ST6GALNAC1: variants seen among roughly 807,000 people sequenced by gnomAD.
The protein encoded by ST6GALNAC1 is ST6 N-acetylgalactosaminide alpha-2,6-sialyltransferase 1, also known as alpha-N-acetylgalactosaminide alpha-2,6-sialyltransferase 1.
ST6GALNAC1 carries 45 observed loss-of-function variants against 56.8 expected under a neutral mutation model. The observed-to-expected ratio is 0.79, with a 90% CI of 0.62 to 1.02. ST6GALNAC1 has a LOEUF of 1.02. Ranked by LOEUF, ST6GALNAC1 falls within the 50% of genes least tolerant of loss-of-function variation. The pLI, the probability that ST6GALNAC1 is intolerant of heterozygous loss-of-function variation, is 0.00. For missense variants in ST6GALNAC1, 743 were observed against 754.8 expected, an observed-to-expected ratio of 0.98 and a Z score of 0.18; for synonymous variants, 295 against 297.8, an observed-to-expected ratio of 0.99 and a Z score of 0.10.
the ST6GALNAC1 span, among the ~76,000 whole-genome samples, chr17:76,618,476 T>C: frequency 6.6e-6 from 1 of 152,094 alleles, no homozygotes; most frequent in Non-Finnish European, 1.5e-5. Flanking sequence ...TTGAACTGTA[T>C]TGAAAGCTAT....
intron 1 of ST6GALNAC1, among the ~76,000 whole-genome samples, chr17:76,643,014 A>G (rs1411637661): frequency 1.3e-5 from 2 of 152,104 alleles, no homozygotes; most frequent in African/African-American, 4.8e-5. Context: ...TTGAAGGATT[A>G]ACTTGGCGTC....
At chr17:76,622,399 C>A (rs2075750883), downstream of ST6GALNAC1, among the ~76,000 whole-genome samples, 1 of 151,862 alleles carries the variant, frequency 6.6e-6, no homozygotes, top group Non-Finnish European at 1.5e-5. Flanking sequence ...AGAGTCTCAC[C>A]CTGTTACCAG....
At chr17:76,618,029 A>T in the ST6GALNAC1 span, among the ~76,000 whole-genome samples, 1 of 152,190 alleles carries the variant, frequency 6.6e-6, no homozygotes, top group Non-Finnish European at 1.5e-5. Context: ...GGCTTGTTCC[A>T]TTCTCACTGA....
chr17:76,636,749 C>T (rs1256687136), intron 1 of ST6GALNAC1, among the ~76,000 whole-genome samples: 1 of 152,102 alleles, frequency 6.6e-6, no homozygotes, highest in Non-Finnish European at 1.5e-5. Context: ...TCTGCCCGGC[C>T]GCCACCCCAT....
chr17:76,634,808 C>A (rs922271407), intron 1 of ST6GALNAC1, among the ~76,000 whole-genome samples: 1 of 151,946 alleles, frequency 6.6e-6, no homozygotes, highest in African/African-American at 2.4e-5. Context: ...CGCTTGAACT[C>A]GGGAGGCAGA....
chr17:76,643,406 GAC>G (rs2076074239), intron 1 of ST6GALNAC1, 100 bp downstream of exon 1: 11 of 1,291,692 alleles, frequency 8.5e-6, no homozygotes, highest in Non-Finnish European at 9.6e-6. Context: ...CTCCCATGTG[GAC>G]ACACAGGTGG....
intron 1 of ST6GALNAC1, among the ~76,000 whole-genome samples, chr17:76,634,491 A>G (rs777821357): frequency 6.6e-6 from 1 of 152,128 alleles, no homozygotes; most frequent in African/African-American, 2.4e-5. Context: ...CACGAGGGCT[A>G]TTCCAGCCTC....
chr17:76,619,753 T>G, the ST6GALNAC1 span, among the ~76,000 whole-genome samples: 6 of 147,820 alleles, frequency 4.1e-5, no homozygotes, highest in East Asian at 2.0e-4. Flanking sequence ...TTTTTTTTTT[T>G]TTTTTTTTTT....
intron 1 of ST6GALNAC1, among the ~76,000 whole-genome samples, chr17:76,639,415 A>C (rs952183489): frequency 8.6e-5 from 13 of 151,992 alleles, no homozygotes; most frequent in African/African-American, 2.9e-4. Flanking sequence ...GTCTCCACTA[A>C]AAGTACAATA....
At chr17:76,622,019 G>A (rs1390665231), downstream of ST6GALNAC1, among the ~76,000 whole-genome samples, 2 of 138,310 alleles carry the variant, frequency 1.4e-5, no homozygotes, top group Non-Finnish European at 3.1e-5. Context: ...GGCTGGTCTT[G>A]AAATCCTGGC....
At chr17:76,624,394 C>T (rs1421815069), downstream of ST6GALNAC1, among the ~76,000 whole-genome samples, 3 of 152,186 alleles carry the variant, frequency 2.0e-5, no homozygotes, top group South Asian at 2.1e-4. Flanking sequence ...GGATTACAGG[C>T]GCCCGCCACC....
At chr17:76,634,651 T>TGGG (rs71158043) in intron 1 of ST6GALNAC1, among the ~76,000 whole-genome samples, 1 of 134,756 alleles carries the variant, frequency 7.4e-6, no homozygotes, top group South Asian at 2.5e-4. Context: ...GGGGTGGGGG[T>TGGG]GGGGGGTGGA....
downstream of ST6GALNAC1, among the ~76,000 whole-genome samples, chr17:76,622,855 G>A (rs1184755921): frequency 1.3e-5 from 2 of 149,132 alleles, no homozygotes; most frequent in African/African-American, 2.5e-5. Flanking sequence ...GTGCAATGTC[G>A]CGATCTCTGC....
chr17:76,631,938 G>T (rs1049189629), intron 1 of ST6GALNAC1, among the ~76,000 whole-genome samples: 1 of 152,182 alleles, frequency 6.6e-6, no homozygotes, highest in African/African-American at 2.4e-5. Context: ...AAACCTGAGT[G>T]AGTGAAGAAC....
At chr17:76,626,626 G>A (rs1193915571) in intron 5 of ST6GALNAC1, 25 bp downstream of exon 5, 1 of 1,613,650 alleles carries the variant, frequency 6.2e-7, no homozygotes, top group Admixed American at 1.7e-5. Context: ...TCTGGGTGTG[G>A]CCAGGCTCCT....
intron 6 of ST6GALNAC1, 45 bp downstream of exon 6, chr17:76,626,244 A>G (rs199823577): frequency 1.9e-6 from 3 of 1,594,632 alleles, no homozygotes; most frequent in Admixed American, 3.3e-5. Flanking sequence ...CACTCATGAC[A>G]TGGCTCAGCC....
chr17:76,640,370 C>T (rs1238872447), intron 1 of ST6GALNAC1, among the ~76,000 whole-genome samples: 6 of 152,178 alleles, frequency 3.9e-5, no homozygotes, highest in African/African-American at 1.4e-4. Flanking sequence ...CAGAACCAGG[C>T]ATCGCTCTAC....
chr17:76,642,495 C>A (rs1383465062), intron 1 of ST6GALNAC1, among the ~76,000 whole-genome samples: 1 of 152,080 alleles, frequency 6.6e-6, no homozygotes, highest in Non-Finnish European at 1.5e-5. Flanking sequence ...TTCCGTGTAC[C>A]CTCAAGTGTC....
At chr17:76,640,110 A>G (rs1018252154) in intron 1 of ST6GALNAC1, among the ~76,000 whole-genome samples, 1 of 152,060 alleles carries the variant, frequency 6.6e-6, no homozygotes, top group Admixed American at 6.6e-5. Context: ...CACGTCTCCC[A>G]CTGCCCCCTG....
Sources: allele counts gnomAD v4.1 joint callset (sites outside exome capture counted in the v4.1 genomes callset), GRCh38; gene constraint gnomAD v4.1.1; transcripts MANE v1.5; gene names NCBI Gene and HGNC (gene_info 2026-07-23, HGNC 2026-07-21).